Variants in CTNND2 observed in about 807,000 individuals in gnomAD.
The protein encoded by CTNND2 is catenin delta-2.
In CTNND2, 22 loss-of-function variants were observed where a neutral mutation model predicts 144.4. The ratio of observed to expected loss-of-function variants is 0.15; its 90% CI spans 0.11 to 0.22. The LOEUF is 0.22. Among genes scored for constraint, CTNND2 ranks in the 10% least tolerant of loss-of-function variants. The pLI is 1.00. For missense variants in CTNND2, 1,353 were observed against 1,618.8 expected, an observed-to-expected ratio of 0.84 and a Z score of 2.82; for synonymous variants, 751 against 695.6, an observed-to-expected ratio of 1.08 and a Z score of -1.25.
At chr5:11,771,410 T>C (rs1229853418) in intron 1 of CTNND2, among the ~76,000 whole-genome samples, 1 of 149,966 alleles carries the variant, frequency 6.7e-6, no homozygotes, top group Non-Finnish European at 1.5e-5. Flanking sequence ...TTTCAATGTT[T>C]AAATTATCTA....
At position 11,109,396 on chromosome 5, in the gene CTNND2, A is replaced by T. The variant is rs184462077; in HGVS notation, c.2463+1462T>A. ...TATCCCTACAGGGATTTTTTTTTAA[A>T]GTTTCTGAGATTTTTCTTATAGCTA... is the stretch of plus-strand genomic sequence containing the variant. On this transcript the variant is annotated intron_variant, in intron 14 of 21. Coordinates refer to ENST00000304623, the MANE Select transcript of CTNND2 (RefSeq NM_001332.4). Among the ~76,000 whole-genome samples the T allele has an allele frequency of 3.8e-3, 571 of 152,062 alleles. 5 individuals are homozygous for T. Among genetic ancestry groups the T allele is most frequent in the African/African-American group, 0.013 (529 of 41,486 alleles).
chr5:10,974,511 C>A (rs1736209194), intron 21 of CTNND2, among the ~76,000 whole-genome samples: 1 of 152,168 alleles, frequency 6.6e-6, no homozygotes, highest in Non-Finnish European at 1.5e-5. Context: ...TTGCAATAAA[C>A]ATTGGTGCAT....
chr5:11,245,272 G>A (rs1443035142), intron 9 of CTNND2, among the ~76,000 whole-genome samples: 1 of 152,208 alleles, frequency 6.6e-6, no homozygotes, highest in Non-Finnish European at 1.5e-5. Context: ...GGGAAAGACT[G>A]AAGAGTGGCC....
At chr5:11,167,569 C>T (rs1759461406) in intron 11 of CTNND2, among the ~76,000 whole-genome samples, 1 of 152,238 alleles carries the variant, frequency 6.6e-6, no homozygotes, top group African/African-American at 2.4e-5. Flanking sequence ...AAGGTACTGT[C>T]TTGTTCGAAG....
chr5:11,349,917 C>A (rs1755158371), intron 8 of CTNND2, among the ~76,000 whole-genome samples: 1 of 152,192 alleles, frequency 6.6e-6, no homozygotes, highest in African/African-American at 2.4e-5. Flanking sequence ...GTAGGCAGAT[C>A]ATGAGGTCAG....
intron 3 of CTNND2, among the ~76,000 whole-genome samples, chr5:11,537,317 T>C (rs1322003947): frequency 1.3e-5 from 2 of 152,336 alleles, no homozygotes; most frequent in Non-Finnish European, 2.9e-5. Flanking sequence ...TATTTGGGCA[T>C]TCTGAAACAA....
At chr5:11,086,054 T>C (rs912445258) in intron 15 of CTNND2, among the ~76,000 whole-genome samples, 1 of 151,812 alleles carries the variant, frequency 6.6e-6, no homozygotes, top group Admixed American at 6.6e-5. Flanking sequence ...GCTGAGGGTG[T>C]TCTTGAATGG....
chr5:11,798,135 G>A (rs913921781), intron 1 of CTNND2, among the ~76,000 whole-genome samples: 1 of 151,706 alleles, frequency 6.6e-6, no homozygotes, highest in Non-Finnish European at 1.5e-5. Context: ...GGTGGTACAT[G>A]CCTGTAGTCC....
At chr5:11,780,559 G>A (rs559481750) in intron 1 of CTNND2, among the ~76,000 whole-genome samples, 25 of 152,264 alleles carry the variant, frequency 1.6e-4, no homozygotes, top group Non-Finnish European at 3.1e-4. Context: ...TTATCTCTGA[G>A]CTAGACTCCA....
intron 3 of CTNND2, among the ~76,000 whole-genome samples, chr5:11,447,185 T>A (rs1453156992): frequency 2.0e-5 from 3 of 151,696 alleles, no homozygotes; most frequent in African/African-American, 7.3e-5. Context: ...CTCTACAAAA[T>A]ACAAAAATTA....
chr5:11,863,634 C>A (rs1405656924), intron 1 of CTNND2, among the ~76,000 whole-genome samples: 1 of 152,196 alleles, frequency 6.6e-6, no homozygotes, highest in Non-Finnish European at 1.5e-5. Flanking sequence ...GCCAACTTAA[C>A]AATTGCTTGG....
intron 2 of CTNND2, among the ~76,000 whole-genome samples, chr5:11,694,003 C>T (rs1785026821): frequency 6.6e-6 from 1 of 152,142 alleles, no homozygotes; most frequent in South Asian, 2.1e-4. Flanking sequence ...AGCTCTGTAA[C>T]TCATGCAGAA....
chr5:11,792,861 A>C (rs1488503803), intron 1 of CTNND2, among the ~76,000 whole-genome samples: 2 of 152,206 alleles, frequency 1.3e-5, no homozygotes, highest in African/African-American at 2.4e-5. Flanking sequence ...CACAGCCAAA[A>C]AACTCTTGCC....
At chr5:11,697,299 A>G (rs1561704620) in intron 2 of CTNND2, among the ~76,000 whole-genome samples, 1 of 152,210 alleles carries the variant, frequency 6.6e-6, no homozygotes, top group African/African-American at 2.4e-5. Flanking sequence ...CCTTAACAGT[A>G]TATAAAAGTT....
chr5:10,990,673 A>AATT (rs1223272245), intron 19 of CTNND2, among the ~76,000 whole-genome samples: 3 of 152,212 alleles, frequency 2.0e-5, no homozygotes, highest in Non-Finnish European at 2.9e-5. Flanking sequence ...TCAAGTGTGT[A>AATT]ATTATCTCCT....
chr5:11,584,925 T>C (rs1778724969), intron 2 of CTNND2, among the ~76,000 whole-genome samples: 1 of 152,286 alleles, frequency 6.6e-6, no homozygotes, highest in East Asian at 1.9e-4. Flanking sequence ...CATAAAGAAA[T>C]ACATGATTTA....
intron 2 of CTNND2, among the ~76,000 whole-genome samples, chr5:11,639,779 C>T (rs1251304209): frequency 6.6e-6 from 1 of 152,130 alleles, no homozygotes; most frequent in Non-Finnish European, 1.5e-5. Context: ...GAACAAATTT[C>T]CTTTTCTCAG....
chr5:11,366,641 G>T (rs1302417377), intron 7 of CTNND2, among the ~76,000 whole-genome samples: 1 of 150,520 alleles, frequency 6.6e-6, no homozygotes, highest in Admixed American at 6.7e-5. Context: ...TATTCCTGAA[G>T]GTTTTGAAAA....
chr5:11,538,631 T>C (rs1774436486), intron 3 of CTNND2, among the ~76,000 whole-genome samples: 1 of 152,190 alleles, frequency 6.6e-6, no homozygotes, highest in African/African-American at 2.4e-5. Flanking sequence ...ATTTATAATA[T>C]TCTATATATT....
Sources: allele counts gnomAD v4.1 joint callset (sites outside exome capture counted in the v4.1 genomes callset), GRCh38; gene constraint gnomAD v4.1.1; transcripts MANE v1.5; gene names NCBI Gene and HGNC (gene_info 2026-07-23, HGNC 2026-07-21).